Variants in ZDHHC9 observed in about 807,000 individuals in gnomAD.
The protein encoded by ZDHHC9 is zDHHC palmitoyltransferase 9.
ZDHHC9 carries 3 observed loss-of-function variants against 26.6 expected under a neutral mutation model. The ratio of observed to expected loss-of-function variants is 0.11; its 90% CI spans 0.05 to 0.29. ZDHHC9 has a LOEUF of 0.29. Ranked by LOEUF, ZDHHC9 falls within the 10% of genes least tolerant of loss-of-function variation. The probability of loss-of-function intolerance (pLI) is 1.00; values close to 1 mark genes in which losing one functional copy is unlikely to be tolerated. For synonymous variants in ZDHHC9, 111 were observed against 109.4 expected (o/e 1.01, Z -0.09); for missense variants, 146 against 296.4 (o/e 0.49, Z 3.73).
chrX:129,823,843 A>T lies in ZDHHC9; in HGVS notation c.329-6T>A. 1 of 1,207,368 alleles carries T rather than the reference A, an allele frequency of 8.3e-7. No homozygotes were observed. Among genetic ancestry groups the T allele is most frequent in the East Asian group, 3.0e-5 (1 of 33,869 alleles). ...CACCGCACCATTGGTAGCTTCTGTA[A>T]ATCAATAAAGACAGTTAATATCACA... On this transcript the variant is annotated splice_region_variant and splice_polypyrimidine_tract_variant and intron_variant, in intron 4 of 10. Transcript: ENST00000357166.
At chrX:129,807,454 G>GAAAA (rs779819713) in intron 10 of ZDHHC9, among the ~76,000 whole-genome samples, 6 of 27,245 alleles carry the variant, frequency 2.2e-4, no homozygotes, top group South Asian at 1.8e-3. Flanking sequence ...CTCCGTCTCA[G>GAAAA]AAAAAAAAAA....
chrX:129,827,000 C>G (rs898999025), intron 4 of ZDHHC9, among the ~76,000 whole-genome samples: 2 of 110,839 alleles, frequency 1.8e-5, no homozygotes, highest in African/African-American at 6.6e-5. Context: ...TCAAGACTAG[C>G]CTGGCCAATA....
chrX:129,833,128 G>C lies in ZDHHC9; in HGVS notation c.168-3987C>G, dbSNP rs966694696. ...GTACCAAGAGGCCTTTCTCCTTCCTGGGGATTAGAGTTCCTTTTCTCCCTT... is the reference window on the plus strand; with the variant it reads ...GTACCAAGAGGCCTTTCTCCTTCCTCGGGATTAGAGTTCCTTTTCTCCCTT... On this transcript the variant is annotated intron_variant, in intron 3 of 10. Coordinates refer to ENST00000357166, the MANE Select transcript of ZDHHC9 (RefSeq NM_016032.4). 3.2e-4 allele frequency among the ~76,000 whole-genome samples: 36 copies of C among 111,587 alleles called. No individual in the cohort carries two copies. In the Middle Eastern group the frequency reaches 0.014, roughly 43 times the overall value.
chrX:129,835,789 A>C (rs904814597), intron 3 of ZDHHC9, among the ~76,000 whole-genome samples: 6 of 112,036 alleles, frequency 5.4e-5, no homozygotes, highest in Non-Finnish European at 1.1e-4. Flanking sequence ...GTCTCAAAGA[A>C]AAAAAAAGAA....
rs758555968 is a variant in ZDHHC9 at position 129,816,061 on chromosome X, ACAGGT to A, written c.488-1271_488-1267del. ...ATAAGAAAAGTTGCCCCTCATGTAC[ACAGGT>A]TTTGCATCTTGTGAATACTGTACAT... On this transcript the variant is annotated intron_variant, in intron 5 of 10. Coordinates refer to ENST00000357166, the MANE Select transcript of ZDHHC9 (RefSeq NM_016032.4). Among the ~76,000 whole-genome samples the A allele has an allele frequency of 9.7e-3, 1,082 of 111,863 alleles. 5 individuals carry two copies. The highest frequency in any genetic ancestry group is 0.018 in the Middle Eastern group (4 of 218).
Position 129,803,322 on chromosome X carries a change from C to A in ZDHHC9, c.*3048G>T, listed in dbSNP as rs1218108541. On this transcript the variant is annotated 3_prime_UTR_variant, in exon 11 of 11. Coordinates refer to ENST00000357166, the MANE Select transcript of ZDHHC9 (RefSeq NM_016032.4). ...ACAGACAGCCCTGTATTTCTAAAAC[C>A]ATTCAAGGCTCCTTCATTAATTGGC... The A allele has an allele frequency of 8.9e-6, 1 of 111,858 alleles. No homozygotes were observed. Among genetic ancestry groups the A allele is most frequent in the East Asian group, 2.8e-4 (1 of 3,572 alleles). The allele number at this position is 111,858 out of a possible 1,213,427, so 9.2% of individuals were successfully genotyped here.
In ZDHHC9 at chrX:129,805,269, G is replaced by T. The variant is rs893236247; in HGVS notation, c.*1101C>A. 5 of 111,959 alleles carry T rather than the reference G, an allele frequency of 4.5e-5. No individual in the cohort carries two copies. The highest frequency in any genetic ancestry group is 9.4e-5 in the Non-Finnish European group (5 of 53,065). 9.2% of individuals were successfully genotyped at this position (111,959 alleles called of 1,213,427 possible). A position where few individuals can be genotyped will look rare whatever the true frequency, so the allele number is the denominator to read the frequency against. On this transcript the variant is annotated 3_prime_UTR_variant, in exon 11 of 11. Coordinates refer to ENST00000357166, the MANE Select transcript of ZDHHC9 (RefSeq NM_016032.4). ...AGGCCTTAGGGTGAGTTACCCGAGA[G>T]GGCAGCAGTGCTGGGCTTTCCCTCA...
chrX:129,831,309 CAAA>C (rs1939163055), intron 3 of ZDHHC9, among the ~76,000 whole-genome samples: 1 of 111,687 alleles, frequency 9.0e-6, no homozygotes, highest in Non-Finnish European at 1.9e-5. Context: ...TTCTTGAAAA[CAAA>C]GAAGTAATGT....
intron 7 of ZDHHC9, 34 bp from the exon 8 acceptor site, chrX:129,812,854 A>G (rs188540869): frequency 9.8e-7 from 1 of 1,017,380 alleles, no homozygotes; most frequent in African/African-American, 1.9e-5. Flanking sequence ...GAAGAACTCA[A>G]CATCAGGAGA....
intron 3 of ZDHHC9, among the ~76,000 whole-genome samples, chrX:129,835,999 A>G (rs1267172791): frequency 9.0e-6 from 1 of 111,647 alleles, no homozygotes; most frequent in Non-Finnish European, 1.9e-5. Flanking sequence ...AAGCTAGATA[A>G]AGCCAAGACT....
intron 5 of ZDHHC9, among the ~76,000 whole-genome samples, chrX:129,819,049 T>G (rs1432274997): frequency 2.8e-5 from 3 of 108,165 alleles, no homozygotes; most frequent in African/African-American, 1.0e-4. Flanking sequence ...GGCGGGAGCC[T>G]GTAGTCCCAG....
intron 8 of ZDHHC9, among the ~76,000 whole-genome samples, chrX:129,811,765 G>A (rs1238682797): frequency 9.0e-6 from 1 of 110,550 alleles, no homozygotes; most frequent in Non-Finnish European, 1.9e-5. Context: ...GATCGCCAGG[G>A]TTGAAAGACA....
chrX:129,817,564 A>G (rs1602949437), intron 5 of ZDHHC9, among the ~76,000 whole-genome samples: 1 of 111,604 alleles, frequency 9.0e-6, no homozygotes, highest in East Asian at 2.8e-4. Context: ...AACCATCACC[A>G]TTATCTATTT....
intron 4 of ZDHHC9, among the ~76,000 whole-genome samples, chrX:129,827,631 C>A (rs888129500): frequency 3.6e-5 from 4 of 110,341 alleles, no homozygotes; most frequent in South Asian, 4.0e-4. Context: ...ATGAAGCCAC[C>A]CTGGCTCCTA....
intron 5 of ZDHHC9, among the ~76,000 whole-genome samples, chrX:129,818,436 CT>C (rs1189233691): frequency 8.9e-6 from 1 of 112,404 alleles, no homozygotes; most frequent in Non-Finnish European, 1.9e-5. Context: ...AACCACCAAA[CT>C]TTTCCACAGC....
In ZDHHC9 at chrX:129,805,651, A is replaced by G. The variant is rs1454226449; in HGVS notation, c.*719T>C. On this transcript the variant is annotated 3_prime_UTR_variant, in exon 11 of 11. Coordinates refer to ENST00000357166, the MANE Select transcript of ZDHHC9 (RefSeq NM_016032.4). Reference sequence around the variant, plus strand: ...GGCATCTCATAAATTCTTATTGAGAATGGCACAGGTATTAAAAAAGTTTCT... The same window carrying G: ...GGCATCTCATAAATTCTTATTGAGAGTGGCACAGGTATTAAAAAAGTTTCT... 1.8e-5 allele frequency: 2 copies of G among 112,495 alleles called. No individual in the cohort carries two copies. Among genetic ancestry groups the G allele is most frequent in the Non-Finnish European group, 3.8e-5 (2 of 53,289 alleles). 9.3% of individuals were successfully genotyped at this position (112,495 alleles called of 1,213,427 possible). A position where few individuals can be genotyped will look rare whatever the true frequency, so the allele number is the denominator to read the frequency against.
In ZDHHC9 at chrX:129,823,824, A is replaced by G; in HGVS notation, c.342T>C (p.Gly114=). 1 of 1,210,060 alleles carries G rather than the reference A, an allele frequency of 8.3e-7. No individual in the cohort carries two copies. The highest frequency in any genetic ancestry group is 1.1e-6 in the Non-Finnish European group (1 of 895,223). The change falls in exon 5 of 11, where the codon GGT becomes GGC. Residue 114 remains glycine, a synonymous_variant. Transcript: ENST00000357166. ...FIEMEIEATN[G]AVPQGQRPPP... Reference sequence around the variant, plus strand: ...GTGGTCGCTGGCCCTGGGGCACCGCACCATTGGTAGCTTCTGTAAATCAAT... The same window carrying G: ...GTGGTCGCTGGCCCTGGGGCACCGCGCCATTGGTAGCTTCTGTAAATCAAT...
intron 3 of ZDHHC9, among the ~76,000 whole-genome samples, chrX:129,834,263 T>C (rs1386110992): frequency 9.0e-6 from 1 of 111,563 alleles, no homozygotes; most frequent in Non-Finnish European, 1.9e-5. Context: ...CAAATTTCTG[T>C]TGTTTATAAG....
At chrX:129,813,860 G>A in intron 6 of ZDHHC9, 135 bp from the exon 7 acceptor site, 1 of 580,315 alleles carries the variant, frequency 1.7e-6, no homozygotes, top group Non-Finnish European at 2.8e-6. Flanking sequence ...TCTCACTCGG[G>A]CAAGGGTGAA....
Sources: allele counts gnomAD v4.1 joint callset (sites outside exome capture counted in the v4.1 genomes callset), GRCh38; gene constraint gnomAD v4.1.1; transcripts MANE v1.5; gene names NCBI Gene and HGNC (gene_info 2026-07-23, HGNC 2026-07-21).